The following CATSPERT variants were observed in gnomAD, a reference collection of about 807,000 sequenced individuals.
CATSPERT encodes catsper channel auxiliary subunit tau, also known as cation channel sperm-associated targeting subunit tau.
chr2:201,556,326 G>A, the CATSPERT span, among the ~76,000 whole-genome samples: 5 of 151,840 alleles, frequency 3.3e-5, no homozygotes, highest in African/African-American at 7.3e-5. Context: ...TGGCTAACAC[G>A]GTGAAACCCC....
the CATSPERT span, among the ~76,000 whole-genome samples, chr2:201,583,395 GAGTGTTGGGTCCCTAATA>G: frequency 6.6e-6 from 1 of 152,212 alleles, no homozygotes; most frequent in Admixed American, 6.5e-5. Flanking sequence ...GAGTAGAACG[GAGTGTTGGGTCCCTAATA>G]AGCTATAAAC....
At chr2:201,497,959 G>A in the CATSPERT span, among the ~76,000 whole-genome samples, 1 of 152,108 alleles carries the variant, frequency 6.6e-6, no homozygotes, top group Admixed American at 6.5e-5. Context: ...CAGAAAATAT[G>A]AGAGCAGATA....
chr2:201,522,331 CA>C, the CATSPERT span, among the ~76,000 whole-genome samples: 1 of 152,084 alleles, frequency 6.6e-6, no homozygotes, highest in Non-Finnish European at 1.5e-5. Flanking sequence ...AATCAACATA[CA>C]AAAATCCAGG....
At chr2:201,602,058 A>T in the CATSPERT span, among the ~76,000 whole-genome samples, 1 of 152,148 alleles carries the variant, frequency 6.6e-6, no homozygotes, top group Non-Finnish European at 1.5e-5. Flanking sequence ...GGTGGACACA[A>T]TATAAGTAAA....
At chr2:201,584,751 C>T in the CATSPERT span, among the ~76,000 whole-genome samples, 1 of 151,770 alleles carries the variant, frequency 6.6e-6, no homozygotes, top group African/African-American at 2.4e-5. Context: ...CCACTGCACT[C>T]CAGCCTGGGT....
chr2:201,513,118 A>T, the CATSPERT span, among the ~76,000 whole-genome samples: 5 of 151,570 alleles, frequency 3.3e-5, no homozygotes, highest in Non-Finnish European at 7.4e-5. Context: ...TAAAAAAATA[A>T]AAAAAAGAAA....
At chr2:201,567,229 T>G in the CATSPERT span, among the ~76,000 whole-genome samples, 1 of 152,180 alleles carries the variant, frequency 6.6e-6, no homozygotes, top group Non-Finnish European at 1.5e-5. Context: ...TGAACATCTT[T>G]TTTCCTCCTT....
At chr2:201,556,362 A>T in the CATSPERT span, among the ~76,000 whole-genome samples, 1 of 152,130 alleles carries the variant, frequency 6.6e-6, no homozygotes, top group Admixed American at 6.5e-5. Flanking sequence ...ACAAAAAATT[A>T]GCCAGGGGTG....
the CATSPERT span, among the ~76,000 whole-genome samples, chr2:201,506,769 G>A: frequency 3.9e-5 from 6 of 152,148 alleles, no homozygotes; most frequent in Non-Finnish European, 8.8e-5. Flanking sequence ...TAGCCGGGAT[G>A]GTCTCGATCT....
the CATSPERT span, among the ~76,000 whole-genome samples, chr2:201,581,477 A>AATATATATATAT: frequency 6.7e-5 from 1 of 14,860 alleles, no homozygotes; most frequent in Non-Finnish European, 1.1e-4. Context: ...CACATTCCGG[A>AATATATATATAT]ATATATATAT....
the CATSPERT span, chr2:201,554,382 C>T: frequency 2.8e-4 from 42 of 152,040 alleles, no homozygotes; most frequent in African/African-American, 9.4e-4. Context: ...AAATCTTCTC[C>T]AATGCTAGCA....
chr2:201,551,396 T>C, the CATSPERT span, among the ~76,000 whole-genome samples: 1 of 152,196 alleles, frequency 6.6e-6, no homozygotes, highest in African/African-American at 2.4e-5. Context: ...TTTTATCATT[T>C]ACTACCATAA....
At chr2:201,536,297 T>A in the CATSPERT span, 10 of 1,599,154 alleles carry the variant, frequency 6.3e-6, no homozygotes, top group Admixed American at 1.7e-5. Context: ...TAGTCAGGCC[T>A]TTCTCAGAAT....
At chr2:201,493,799 C>T in the CATSPERT span, 425 of 1,536,294 alleles carry the variant, frequency 2.8e-4, 3 homozygotes, top group African/African-American at 5.2e-3. Context: ...TTAGGTACTT[C>T]GCTTATTAAA....
chr2:201,586,619 A>C, the CATSPERT span, among the ~76,000 whole-genome samples: 1 of 152,088 alleles, frequency 6.6e-6, no homozygotes, highest in Non-Finnish European at 1.5e-5. Context: ...ATATTTTTCT[A>C]ATATAATATT....
At chr2:201,491,473 G>C in the CATSPERT span, 6 of 1,536,648 alleles carry the variant, frequency 3.9e-6, no homozygotes, top group African/African-American at 1.4e-5. Flanking sequence ...TATATAAAGA[G>C]TTTGTATTTC....
chr2:201,562,331 G>A, the CATSPERT span, among the ~76,000 whole-genome samples: 20 of 151,328 alleles, frequency 1.3e-4, no homozygotes, highest in African/African-American at 4.6e-4. Flanking sequence ...GGGACTACAG[G>A]CGCCCACCAC....
chr2:201,572,092 A>G, the CATSPERT span: 3 of 1,093,074 alleles, frequency 2.7e-6, no homozygotes, highest in Non-Finnish European at 4.1e-6. Context: ...ATACCATACC[A>G]TATTGATACC....
chr2:201,588,350 A>G, the CATSPERT span, among the ~76,000 whole-genome samples: 3 of 152,098 alleles, frequency 2.0e-5, no homozygotes, highest in Non-Finnish European at 4.4e-5. Context: ...TATACAAATC[A>G]ATAAATGTGA....
Sources: gnomAD v4.1 joint callset for allele counts (sites outside exome capture counted in the v4.1 genomes callset) on GRCh38, gnomAD v4.1.1 for gene constraint, MANE v1.5 for transcripts, NCBI Gene and HGNC (gene_info 2026-07-23, HGNC 2026-07-21) for gene names.